Variants in CEBPZ observed in about 807,000 individuals in gnomAD.
CEBPZ encodes the protein CCAAT/enhancer-binding protein zeta.
A neutral mutation model predicts 104.5 loss-of-function variants in CEBPZ; 78 were observed. The ratio of observed to expected loss-of-function variants is 0.75; its 90% confidence interval spans 0.62 to 0.90. CEBPZ has a LOEUF of 0.90. CEBPZ is among the 40% of genes least tolerant of loss of function. The pLI, the probability that CEBPZ is intolerant of heterozygous loss-of-function variation, is 0.00. For synonymous variants in CEBPZ, 470 were observed against 427.0 expected (o/e 1.10, Z -1.24); for missense variants, 1,439 against 1,233.5 (o/e 1.17, Z -2.50).
chr2:37,207,401 GC>G (rs1257903174), intron 13 of CEBPZ, among the ~76,000 whole-genome samples: 1 of 152,110 alleles, frequency 6.6e-6, no homozygotes, highest in Non-Finnish European at 1.5e-5. Flanking sequence ...CATATGGTAG[GC>G]CACAAAACAA....
intron 2 of CEBPZ, among the ~76,000 whole-genome samples, chr2:37,225,105 T>C (rs1244760113): frequency 1.3e-5 from 2 of 152,216 alleles, no homozygotes; most frequent in Non-Finnish European, 1.5e-5. Context: ...CCGAAACCTC[T>C]ACATTTTCAG....
At chr2:37,221,326 A>C (rs1181383845) in intron 4 of CEBPZ, among the ~76,000 whole-genome samples, 1 of 152,168 alleles carries the variant, frequency 6.6e-6, no homozygotes, top group Non-Finnish European at 1.5e-5. Flanking sequence ...TCTCAAAAAA[A>C]ACAAAAACCA....
chr2:37,203,528 C>G (rs1231920120), intron 13 of CEBPZ: 1 of 152,192 alleles, frequency 6.6e-6, no homozygotes, highest in Non-Finnish European at 1.5e-5. Context: ...TCAAACTCTG[C>G]ATCTTTGATA....
Position 37,216,438 on chromosome 2 carries a change from T to C in CEBPZ, c.2209-20A>G, listed in dbSNP as rs745736987. 6.5e-7 allele frequency: 1 copy of C among 1,529,910 alleles called. No individual in the cohort carries two copies. The highest frequency in any genetic ancestry group is 9.0e-7 in the Non-Finnish European group (1 of 1,114,916). 94.8% of individuals were successfully genotyped at this position (1,529,910 alleles called of 1,614,324 possible). A position where few individuals can be genotyped will look rare whatever the true frequency, so the allele number is the denominator to read the frequency against. On this transcript the variant is annotated intron_variant, in intron 6 of 15. Coordinates refer to ENST00000234170, the MANE Select transcript of CEBPZ (RefSeq NM_005760.3). ...GTTTCCCTGAAAAGTGGAGCGGGGA[T>C]TTAAAAACTTAATTCAAATTATGTC...
intron 4 of CEBPZ, among the ~76,000 whole-genome samples, chr2:37,221,825 C>T (rs1403316408): frequency 1.3e-5 from 2 of 152,196 alleles, no homozygotes; most frequent in African/African-American, 4.8e-5. Flanking sequence ...AACCTCAAGG[C>T]TGGTGTTTTC....
chr2:37,223,460 T>C, intron 2 of CEBPZ, 59 bp from the exon 3 acceptor site: 1 of 1,439,668 alleles, frequency 6.9e-7, no homozygotes, highest in Non-Finnish European at 9.7e-7. Context: ...CAACCAATGG[T>C]CACATATTAG....
chr2:37,207,912 C>T (rs1398359050), intron 13 of CEBPZ, among the ~76,000 whole-genome samples: 1 of 151,426 alleles, frequency 6.6e-6, no homozygotes, highest in Non-Finnish European at 1.5e-5. Context: ...CAAGATTAAC[C>T]AAAAAAAGAA....
chr2:37,217,839 T>G (rs1664659080), intron 5 of CEBPZ, among the ~76,000 whole-genome samples: 1 of 148,880 alleles, frequency 6.7e-6, no homozygotes, highest in African/African-American at 2.5e-5. Flanking sequence ...GAGGCGGAAC[T>G]TGGAGTGAGC....
At chr2:37,203,037 C>T in intron 13 of CEBPZ, 29 bp from the exon 14 acceptor site, 1 of 1,398,122 alleles carries the variant, frequency 7.2e-7, no homozygotes, top group Non-Finnish European at 9.7e-7. Flanking sequence ...CTACATTATT[C>T]AATTATAAAT....
intron 4 of CEBPZ, among the ~76,000 whole-genome samples, chr2:37,220,827 AC>A (rs1664754288): frequency 6.6e-6 from 1 of 152,004 alleles, no homozygotes; most frequent in African/African-American, 2.4e-5. Context: ...CCCATCTCTT[AC>A]AAAAAATACA....
chr2:37,213,888 C>T lies in CEBPZ; in HGVS notation c.2521G>A (p.Asp841Asn). 1 of 1,607,666 alleles carries T rather than the reference C, an allele frequency of 6.2e-7. No individual in the cohort carries two copies. Among genetic ancestry groups the T allele is most frequent in the Non-Finnish European group, 8.5e-7 (1 of 1,177,324 alleles). The change falls in exon 10 of 16, where the codon GAT becomes AAT. Residue 841 changes from aspartate (D) to asparagine (N), a missense_variant. Physicochemically the swap from Asp to Asn is conservative, Grantham distance 23. Coordinates refer to ENST00000234170, the MANE Select transcript of CEBPZ (RefSeq NM_005760.3). ...ADEESIEDVD[D>N]EEFEELIDTF... ...CCAATCAGCTCTTCAAATTCTTCAT[C>T]ATCCACGTCTTCTATACTTTCTTCA...
intron 8 of CEBPZ, chr2:37,215,495 T>C (rs1572501967): frequency 2.0e-5 from 3 of 152,520 alleles, no homozygotes; most frequent in Non-Finnish European, 4.4e-5. Context: ...GATTTGGCTT[T>C]TAATTCTAAC....
Position 37,213,973 on chromosome 2 carries a change from A to T in CEBPZ, c.2448-12T>A. The T allele has an allele frequency of 7.2e-7, 1 of 1,390,928 alleles. No homozygotes were observed. The highest frequency in any genetic ancestry group is 2.6e-5 in the East Asian group (1 of 38,916). The allele number at this position is 1,390,928 out of a possible 1,614,324, so 86.2% of individuals were successfully genotyped here. A position where few individuals can be genotyped will look rare whatever the true frequency, so the allele number is the denominator to read the frequency against. ...CTTTTTTATAATACCTATAATATTC[A>T]TGTTATATATTTGACAATTTTATTA... On this transcript the variant is annotated splice_polypyrimidine_tract_variant and intron_variant, in intron 9 of 15. Transcript: ENST00000234170.
At position 37,231,366 on chromosome 2, in the gene CEBPZ, G is replaced by T. The variant is rs780993100; in HGVS notation, c.156+46C>A. ...GGGGCAGTCAGCCTAGCCACCTTCGGAACTCTCCACGCCTGATCCCGTTCC... is the reference window on the plus strand; with the variant it reads ...GGGGCAGTCAGCCTAGCCACCTTCGTAACTCTCCACGCCTGATCCCGTTCC... On this transcript the variant is annotated intron_variant, in intron 1 of 15. Transcript: ENST00000234170. 1.1e-5 allele frequency: 18 copies of T among 1,611,490 alleles called. No individual in the cohort carries two copies. In the South Asian group the frequency reaches 1.9e-4, roughly 17 times the overall value.
chr2:37,227,534 A>ATTATGCTTACC lies in CEBPZ; in HGVS notation c.1649+9_1649+10insGGTAAGCATAA, dbSNP rs1297653264. The ATTATGCTTACC allele has an allele frequency of 6.3e-7, 1 of 1,586,878 alleles. No homozygotes were observed. The highest frequency in any genetic ancestry group is 8.6e-7 in the Non-Finnish European group (1 of 1,167,300). ...ATTTCATGTCTCATATTGGAAGGGT[A>ATTATGCTTACC]TGTTCTTACCTGTATAATGCTGTGT... On this transcript the variant is annotated intron_variant, in intron 2 of 15. Transcript: ENST00000234170.
At chr2:37,205,557 G>T (rs913174982) in intron 13 of CEBPZ, among the ~76,000 whole-genome samples, 3 of 152,128 alleles carry the variant, frequency 2.0e-5, no homozygotes, top group African/African-American at 7.2e-5. Context: ...GACTCAGCCC[G>T]CCTGCACCCA....
intron 11 of CEBPZ, 37 bp downstream of exon 11, chr2:37,212,298 C>G (rs1385900124): frequency 6.3e-7 from 1 of 1,577,344 alleles, no homozygotes; most frequent in Non-Finnish European, 8.7e-7. Flanking sequence ...TTGGGAAATG[C>G]TAGAAAAATA....
intron 9 of CEBPZ, among the ~76,000 whole-genome samples, 179 bp downstream of exon 9, chr2:37,214,707 G>C (rs1036411879): frequency 6.6e-6 from 1 of 152,050 alleles, no homozygotes; most frequent in African/African-American, 2.4e-5. Context: ...ATGCTGATTA[G>C]ATTTCATAAA....
chr2:37,209,846 C>G (rs1288841918), intron 13 of CEBPZ: 3 of 138,882 alleles, frequency 2.2e-5, no homozygotes, highest in African/African-American at 4.9e-5. Flanking sequence ...AAATAGACAA[C>G]CCATAGAGTG....
Sources: allele counts gnomAD v4.1 joint callset (sites outside exome capture counted in the v4.1 genomes callset), GRCh38; gene constraint gnomAD v4.1.1; transcripts MANE v1.5; gene names NCBI Gene and HGNC (gene_info 2026-07-23, HGNC 2026-07-21).